Variants in HECW2 observed in about 807,000 individuals in gnomAD.
HECW2 encodes E3 ubiquitin-protein ligase HECW2.
In HECW2, 61 loss-of-function variants were observed where a neutral mutation model predicts 175.2. The ratio of observed to expected loss-of-function variants is 0.35; its 90% CI spans 0.28 to 0.43. The LOEUF is 0.43. Among genes scored for constraint, HECW2 ranks in the 20% least tolerant of loss-of-function variants. The probability of loss-of-function intolerance (pLI) is 1.00; values close to 1 mark genes in which losing one functional copy is unlikely to be tolerated. For synonymous variants in HECW2, 671 were observed against 731.0 expected (o/e 0.92, Z 1.32); for missense variants, 1,524 against 2,000.5 (o/e 0.76, Z 4.54).
chr2:196,261,662 A>G (rs539185910), intron 17 of HECW2, among the ~76,000 whole-genome samples: 1 of 152,234 alleles, frequency 6.6e-6, no homozygotes, highest in Non-Finnish European at 1.5e-5. Context: ...TCTGAAAAAC[A>G]AAGTATCCTC....
At chr2:196,243,668 C>T (rs1688546507) in intron 19 of HECW2, among the ~76,000 whole-genome samples, 1 of 151,554 alleles carries the variant, frequency 6.6e-6, no homozygotes, top group Non-Finnish European at 1.5e-5. Context: ...CAACCTCTGT[C>T]TCCTGAGTTC....
At chr2:196,374,046 A>AAAT (rs1553509125) in intron 2 of HECW2, among the ~76,000 whole-genome samples, 27,346 of 148,340 alleles carry the variant, frequency 0.18, 4,409 homozygotes, top group African/African-American at 0.45. Context: ...AAAATAAAAT[A>AAAT]AAATAAATAA....
intron 11 of HECW2, 121 bp from the exon 12 acceptor site, chr2:196,307,354 C>A (rs113107935): frequency 1.2e-5 from 7 of 582,362 alleles, no homozygotes; most frequent in Middle Eastern, 5.4e-4. Flanking sequence ...CCTCCAACCC[C>A]CATTCCCTGG....
intron 1 of HECW2, among the ~76,000 whole-genome samples, chr2:196,558,422 TTTATAA>T (rs1174888314): frequency 7.9e-5 from 12 of 152,214 alleles, no homozygotes; most frequent in African/African-American, 2.9e-4. Flanking sequence ...CTCTACACCC[TTTATAA>T]TTATAAAGAA....
chr2:196,297,910 A>T (rs1440260034), intron 13 of HECW2, among the ~76,000 whole-genome samples: 2 of 152,222 alleles, frequency 1.3e-5, no homozygotes, highest in African/African-American at 4.8e-5. Context: ...CAGGATTTAC[A>T]TTGTTCTCAT....
rs1689850895 is a variant in HECW2 at position 196,274,122 on chromosome 2, A to G, written c.3137T>C (p.Val1046Ala). ...TRQRSHSAGE[V>A]GEDSRHAGPP... ...TCCTGCATGTCGAGAATCTTCTCCT[A>G]CCTGCAAACAGAAGCATCATTTATG... Residue 1046 changes from valine to alanine, a missense_variant and splice_region_variant, in exon 16 of 29, where the codon GTA (valine) becomes GCA (alanine). By Grantham distance (64) the Val-to-Ala change is moderately conservative. Coordinates refer to ENST00000644978, the MANE Select transcript of HECW2 (RefSeq NM_001348768.2). The G allele has an allele frequency of 1.2e-6, 2 of 1,611,168 alleles. No homozygotes were observed. Among genetic ancestry groups the G allele is most frequent in the Non-Finnish European group, 1.7e-6 (2 of 1,177,454 alleles).
At chr2:196,482,110 GTCTC>G (rs1215919887) in intron 1 of HECW2, among the ~76,000 whole-genome samples, 2 of 152,178 alleles carry the variant, frequency 1.3e-5, no homozygotes, top group Non-Finnish European at 2.9e-5. Flanking sequence ...TTTCTTCTGT[GTCTC>G]TCTTTCAACC....
intron 1 of HECW2, among the ~76,000 whole-genome samples, chr2:196,593,059 C>G (rs1023401703): frequency 6.6e-6 from 1 of 151,454 alleles, no homozygotes; most frequent in African/African-American, 2.4e-5. Flanking sequence ...CGGCGCGCCC[C>G]TCAGCGGCTC....
At chr2:196,529,131 C>A (rs1164985871) in intron 1 of HECW2, among the ~76,000 whole-genome samples, 1 of 152,158 alleles carries the variant, frequency 6.6e-6, no homozygotes, top group Admixed American at 6.5e-5. Context: ...ATATTTAAGA[C>A]AAAAGAATGT....
At chr2:196,306,900 G>T (rs1048318023) in intron 12 of HECW2, among the ~76,000 whole-genome samples, 1 of 152,072 alleles carries the variant, frequency 6.6e-6, no homozygotes, top group Non-Finnish European at 1.5e-5. Context: ...CACAGATCAA[G>T]AAATTAAAGA....
At chr2:196,470,110 A>G (rs1697134923) in intron 1 of HECW2, among the ~76,000 whole-genome samples, 2 of 152,214 alleles carry the variant, frequency 1.3e-5, no homozygotes, top group Admixed American at 1.3e-4. Flanking sequence ...ATAAAAATTT[A>G]TATTCTGTTT....
chr2:196,557,537 C>T (rs532044145), intron 1 of HECW2, among the ~76,000 whole-genome samples: 1 of 152,052 alleles, frequency 6.6e-6, no homozygotes, highest in Non-Finnish European at 1.5e-5. Context: ...AGCTTTTAAT[C>T]CAGTAATTCC....
chr2:196,469,163 C>T (rs1697094544), intron 1 of HECW2, among the ~76,000 whole-genome samples: 1 of 148,492 alleles, frequency 6.7e-6, no homozygotes, highest in South Asian at 2.1e-4. Flanking sequence ...ATAAGTGAAA[C>T]TAGCCAAGAA....
At chr2:196,406,133 T>A (rs1340028220) in intron 2 of HECW2, among the ~76,000 whole-genome samples, 1 of 152,172 alleles carries the variant, frequency 6.6e-6, no homozygotes, top group Admixed American at 6.5e-5. Flanking sequence ...TCCAGCTCCA[T>A]CTATGTGCCA....
intron 3 of HECW2, among the ~76,000 whole-genome samples, chr2:196,337,562 A>G (rs1692594010): frequency 2.5e-5 from 1 of 39,726 alleles, no homozygotes; most frequent in Non-Finnish European, 8.7e-5. Context: ...AATTATGGGA[A>G]AAAAATAAAA....
intron 1 of HECW2, among the ~76,000 whole-genome samples, chr2:196,462,126 A>G (rs1056017642): frequency 2.0e-5 from 3 of 152,130 alleles, no homozygotes; most frequent in African/African-American, 4.8e-5. Flanking sequence ...CATAATTTGA[A>G]TCATATTAAA....
chr2:196,316,470 T>C (rs1691701090), intron 10 of HECW2: 1 of 152,202 alleles, frequency 6.6e-6, no homozygotes. Flanking sequence ...GGGAAAGCGG[T>C]AAGGCAAAAG....
At chr2:196,566,534 CTTTTTTT>C (rs397942390) in intron 1 of HECW2, among the ~76,000 whole-genome samples, 9 of 139,554 alleles carry the variant, frequency 6.4e-5, no homozygotes, top group Non-Finnish European at 1.1e-4. Context: ...TTTTCTTTTT[CTTTTTTT>C]TTTTTTTGAA....
chr2:196,541,645 G>A (rs562831601), intron 1 of HECW2, among the ~76,000 whole-genome samples: 6 of 152,128 alleles, frequency 3.9e-5, no homozygotes, highest in East Asian at 3.9e-4. Flanking sequence ...ATTGGTAAGT[G>A]TGCATAAGGA....
Sources: gnomAD v4.1 joint callset for allele counts (sites outside exome capture counted in the v4.1 genomes callset) on GRCh38, gnomAD v4.1.1 for gene constraint, MANE v1.5 for transcripts, NCBI Gene and HGNC (gene_info 2026-07-23, HGNC 2026-07-21) for gene names.